ATL1: variants seen among roughly 807,000 people sequenced by gnomAD.
The protein encoded by ATL1 is atlastin GTPase 1, also known as atlastin-1.
A neutral mutation model predicts 75.5 loss-of-function variants in ATL1; 31 were observed. That is an observed-to-expected ratio of 0.41 (90% confidence interval 0.31 to 0.55). ATL1 has a LOEUF of 0.55. ATL1 is among the 20% of genes least tolerant of loss of function. The pLI, the probability that ATL1 is intolerant of heterozygous loss-of-function variation, is 0.27. For synonymous variants in ATL1, 226 were observed against 233.3 expected (o/e 0.97, Z 0.28); for missense variants, 405 against 662.6 (o/e 0.61, Z 4.27).
At chr14:50,592,929 A>ATATATAT (rs1555364083) in intron 4 of ATL1, among the ~76,000 whole-genome samples, 1 of 113,882 alleles carries the variant, frequency 8.8e-6, no homozygotes, top group African/African-American at 3.5e-5. Context: ...AAAAAAAAAA[A>ATATATAT]ATATATATAT....
chr14:50,545,973 T>G (rs1210966647), intron 1 of ATL1, among the ~76,000 whole-genome samples: 1 of 152,248 alleles, frequency 6.6e-6, no homozygotes, highest in Non-Finnish European at 1.5e-5. Context: ...TCTTTTCTTT[T>G]CTGCCTGCTT....
intron 1 of ATL1, among the ~76,000 whole-genome samples, chr14:50,564,647 C>CAA (rs60054322): frequency 0.022 from 896 of 39,994 alleles, 19 homozygotes; most frequent in African/African-American, 0.035. Context: ...GATTCCGTCT[C>CAA]AAAAAAAAAA....
At chr14:50,586,636 T>TA (rs1348930964) in intron 1 of ATL1, among the ~76,000 whole-genome samples, 5 of 152,310 alleles carry the variant, frequency 3.3e-5, no homozygotes. Flanking sequence ...TTTCTGTTCT[T>TA]ATGATATAAA....
intron 1 of ATL1, among the ~76,000 whole-genome samples, chr14:50,544,610 A>G (rs1239001524): frequency 6.6e-6 from 1 of 152,150 alleles, no homozygotes; most frequent in Non-Finnish European, 1.5e-5. Flanking sequence ...GGCAACTGCC[A>G]TTTTGAAAAC....
upstream of ATL1, among the ~76,000 whole-genome samples, chr14:50,556,626 C>G (rs1406531879): frequency 6.6e-6 from 1 of 152,194 alleles, no homozygotes; most frequent in Non-Finnish European, 1.5e-5. Context: ...TTAGCAGTCA[C>G]TCTCCAATTT....
At chr14:50,533,132 T>G (rs2038441945) in exon 1 of ATL1, 1 of 152,316 alleles carries the variant, frequency 6.6e-6, no homozygotes, top group Non-Finnish European at 1.5e-5. Flanking sequence ...ACTTAGTTCT[T>G]CTGAGACATT....
intron 1 of ATL1, among the ~76,000 whole-genome samples, chr14:50,574,203 G>A (rs2140187937): frequency 6.6e-6 from 1 of 152,308 alleles, no homozygotes; most frequent in South Asian, 2.1e-4. Flanking sequence ...GTTAGCTACT[G>A]TCCACAAATT....
chr14:50,625,631 T>C (rs952586329), intron 11 of ATL1, among the ~76,000 whole-genome samples: 1 of 152,120 alleles, frequency 6.6e-6, no homozygotes, highest in African/African-American at 2.4e-5. Flanking sequence ...TTAAGAATCA[T>C]GCTAGGCCGG....
At chr14:50,612,820 GCATA>G (rs2039378345) in intron 6 of ATL1, among the ~76,000 whole-genome samples, 1 of 151,864 alleles carries the variant, frequency 6.6e-6, no homozygotes, top group South Asian at 2.1e-4. Flanking sequence ...TTTATGATGC[GCATA>G]CATACATATC....
intron 7 of ATL1, 58 bp from the exon 8 acceptor site, chr14:50,614,315 A>G: frequency 1.3e-6 from 2 of 1,585,392 alleles, no homozygotes; most frequent in Non-Finnish European, 1.7e-6. Context: ...GATGCCACAG[A>G]ATTCCTTTGC....
At chr14:50,534,676 T>C (rs982581163) in intron 1 of ATL1, among the ~76,000 whole-genome samples, 3 of 152,246 alleles carry the variant, frequency 2.0e-5, no homozygotes, top group Non-Finnish European at 4.4e-5. Context: ...GTCAAGACTC[T>C]ATGTGGTGGT....
chr14:50,596,840 G>A (rs1053504740), intron 6 of ATL1, among the ~76,000 whole-genome samples: 2 of 151,934 alleles, frequency 1.3e-5, no homozygotes, highest in Admixed American at 1.3e-4. Flanking sequence ...GGTACTTAGA[G>A]GGAAAAAAAT....
intron 6 of ATL1, among the ~76,000 whole-genome samples, chr14:50,602,090 A>G (rs1160100569): frequency 2.0e-5 from 3 of 152,160 alleles, no homozygotes; most frequent in Non-Finnish European, 4.4e-5. Context: ...AATTCTGGAT[A>G]TTTTTGATGT....
At chr14:50,630,964 A>G (rs1247997202) in intron 13 of ATL1, 4 of 455,376 alleles carry the variant, frequency 8.8e-6, no homozygotes, top group African/African-American at 4.0e-5. Context: ...ACGTAATGCC[A>G]TAAGAAAATC....
intron 4 of ATL1, among the ~76,000 whole-genome samples, 178 bp from the exon 5 acceptor site, chr14:50,593,668 C>G (rs1033401757): frequency 6.6e-6 from 1 of 152,044 alleles, no homozygotes; most frequent in Admixed American, 6.5e-5. Flanking sequence ...TTGTTCATTC[C>G]TTATTGTCTC....
intron 6 of ATL1, among the ~76,000 whole-genome samples, chr14:50,600,905 T>C (rs1471771496): frequency 6.6e-6 from 1 of 151,956 alleles, no homozygotes; most frequent in Non-Finnish European, 1.5e-5. Flanking sequence ...AAGTTTGAGA[T>C]GAGCCTGAGC....
intron 6 of ATL1, among the ~76,000 whole-genome samples, chr14:50,602,471 A>G (rs187002717): frequency 6.6e-6 from 1 of 152,300 alleles, no homozygotes; most frequent in Admixed American, 6.5e-5. Flanking sequence ...CATGCCTTCT[A>G]ATTATGTAGG....
intron 1 of ATL1, among the ~76,000 whole-genome samples, chr14:50,565,494 A>AAAT (rs1240558001): frequency 6.6e-6 from 1 of 151,438 alleles, no homozygotes; most frequent in African/African-American, 2.4e-5. Flanking sequence ...CAAAAAAAAA[A>AAAT]AAATTCTACT....
upstream of ATL1, among the ~76,000 whole-genome samples, chr14:50,555,498 G>A (rs1191203336): frequency 6.6e-6 from 1 of 152,114 alleles, no homozygotes; most frequent in Admixed American, 6.5e-5. Context: ...TGCCCAGGCT[G>A]GTTTGAAACT....
Sources: gnomAD v4.1 joint callset for allele counts (sites outside exome capture counted in the v4.1 genomes callset) on GRCh38, gnomAD v4.1.1 for gene constraint, MANE v1.5 for transcripts, NCBI Gene and HGNC (gene_info 2026-07-23, HGNC 2026-07-21) for gene names.